KBTBD11: variants seen among roughly 807,000 people sequenced by gnomAD.
KBTBD11 encodes the protein kelch repeat and BTB domain containing 11.
For missense variants in KBTBD11, 1,390 were observed against 1,001.8 expected (o/e 1.39, Z -5.23); for synonymous variants, 747 against 499.0 (o/e 1.50, Z -6.63).
chr8:1,991,719 C>T (rs1005258162), intron 1 of KBTBD11, among the ~76,000 whole-genome samples: 1 of 152,020 alleles, frequency 6.6e-6, no homozygotes, highest in African/African-American at 2.4e-5. Flanking sequence ...CTGCACTGCC[C>T]TGAGGGAACC....
At position 2,001,271 on chromosome 8, in the gene KBTBD11, G is replaced by A. The variant is rs1377107775; in HGVS notation, c.79G>A (p.Ala27Thr). ...TGCCGGGGAGAGCGAGAGCGAGGGC[G>A]CCGCGTCCCCGGCGCAGACACCCTG... is the stretch of plus-strand genomic sequence containing the variant. ...GAAGESESEG[A>T]ASPAQTPCSL... The change falls in exon 2 of 2, where the codon GCC (alanine) becomes ACC (threonine). Residue 27 changes from alanine to threonine, a missense_variant. By Grantham distance (58) the Ala-to-Thr change is moderately conservative. Transcript: ENST00000320248. The A allele has an allele frequency of 1.3e-6, 2 of 1,517,336 alleles. No homozygotes were observed. Among genetic ancestry groups the A allele is most frequent in the Non-Finnish European group, 1.8e-6 (2 of 1,139,942 alleles). The allele number at this position is 1,517,336 out of a possible 1,614,324, so 94.0% of individuals were successfully genotyped here.
intron 1 of KBTBD11, among the ~76,000 whole-genome samples, chr8:1,988,800 C>G (rs1205286051): frequency 6.6e-6 from 1 of 151,930 alleles, no homozygotes; most frequent in Admixed American, 6.5e-5. Context: ...CGCTGTCTGG[C>G]ACATTGTAAA....
intron 1 of KBTBD11, chr8:1,974,389 G>T (rs955960467): frequency 2.0e-6 from 2 of 984,814 alleles, no homozygotes; most frequent in East Asian, 2.3e-4. Context: ...AGCAGAAGCC[G>T]AAGCCAAGCG....
chr8:1,993,439 A>G (rs978242014), intron 1 of KBTBD11, among the ~76,000 whole-genome samples: 2 of 148,560 alleles, frequency 1.3e-5, no homozygotes, highest in Admixed American at 6.7e-5. Flanking sequence ...CCACCCATCC[A>G]TCCATCTATC....
chr8:1,974,031 G>C lies in KBTBD11; in HGVS notation c.-909+96G>C, dbSNP rs1018880954. The C allele has an allele frequency of 1.3e-5, 12 of 956,434 alleles. No homozygotes were observed. In the Admixed American group the frequency reaches 5.1e-4, roughly 40 times the overall value. 59.2% of individuals were successfully genotyped at this position (956,434 alleles called of 1,614,324 possible). A position where few individuals can be genotyped will look rare whatever the true frequency, so the allele number is the denominator to read the frequency against. ...CGGAGGGGGCGGCGGGTGGGAGGTG[G>C]TCGGCGAGAGCGGCAGTAGGCGGGA... On this transcript the variant is annotated intron_variant, in intron 1 of 1. Transcript: ENST00000320248.
At chr8:1,983,144 G>A (rs1439437339) in intron 1 of KBTBD11, among the ~76,000 whole-genome samples, 1 of 152,180 alleles carries the variant, frequency 6.6e-6, no homozygotes, top group African/African-American at 2.4e-5. Flanking sequence ...TGAGTTGGAT[G>A]GACTCACTTC....
At chr8:1,996,215 G>A (rs1242147635) in intron 1 of KBTBD11, among the ~76,000 whole-genome samples, 5 of 152,196 alleles carry the variant, frequency 3.3e-5, no homozygotes, top group African/African-American at 7.2e-5. Context: ...TCCCAGGGAC[G>A]CTGTGGTCTA....
At chr8:1,999,692 A>G (rs1817270170) in intron 1 of KBTBD11, among the ~76,000 whole-genome samples, 1 of 152,154 alleles carries the variant, frequency 6.6e-6, no homozygotes, top group Admixed American at 6.5e-5. Flanking sequence ...CTAAGAGTTT[A>G]AAGAGATTTA....
chr8:1,989,213 A>G (rs760317150), intron 1 of KBTBD11, among the ~76,000 whole-genome samples: 2 of 152,182 alleles, frequency 1.3e-5, no homozygotes, highest in East Asian at 1.9e-4. Flanking sequence ...GATGCTTCCT[A>G]TTTCAACGTG....
intron 1 of KBTBD11, among the ~76,000 whole-genome samples, chr8:1,997,260 G>T (rs1817176620): frequency 6.6e-6 from 1 of 152,142 alleles, no homozygotes; most frequent in African/African-American, 2.4e-5. Flanking sequence ...AGGAATCCCT[G>T]TGGAAATCCC....
intron 1 of KBTBD11, among the ~76,000 whole-genome samples, chr8:1,980,245 TGAGATGG>T (rs1816495171): frequency 6.7e-6 from 1 of 148,924 alleles, no homozygotes. Flanking sequence ...TTTTTTTTTT[TGAGATGG>T]GGTCTTGCTC....
chr8:1,998,774 GCTCT>G (rs952503205), intron 1 of KBTBD11, among the ~76,000 whole-genome samples: 1 of 146,944 alleles, frequency 6.8e-6, no homozygotes, highest in Non-Finnish European at 1.5e-5. Flanking sequence ...TCTTAGATTT[GCTCT>G]CTCTCTCCTT....
At chr8:1,983,216 T>G (rs1398780666) in intron 1 of KBTBD11, among the ~76,000 whole-genome samples, 1 of 152,226 alleles carries the variant, frequency 6.6e-6, no homozygotes, top group Non-Finnish European at 1.5e-5. Context: ...TAGTCTGCTG[T>G]GTCCCCAGTG....
intron 1 of KBTBD11, among the ~76,000 whole-genome samples, chr8:1,993,769 G>A (rs1438778461): frequency 1.3e-5 from 2 of 151,820 alleles, no homozygotes; most frequent in African/African-American, 4.9e-5. Context: ...AACTAAAACC[G>A]GAAGTGAGGA....
Position 2,001,086 on chromosome 8 carries a change from C to A in KBTBD11, c.-107C>A. On this transcript the variant is annotated 5_prime_UTR_variant, in exon 2 of 2. Transcript: ENST00000320248. ...CACAGAAGTGAAATCTGATCGCGTG[C>A]CAGGAAAAGCTGTGAGGCTGGAAAC... The A allele has an allele frequency of 8.0e-7, 1 of 1,246,380 alleles. No homozygotes were observed. The highest frequency in any genetic ancestry group is 1.0e-6 in the Non-Finnish European group (1 of 990,720). The allele number at this position is 1,246,380 out of a possible 1,614,324, so 77.2% of individuals were successfully genotyped here. A position where few individuals can be genotyped will look rare whatever the true frequency, so the allele number is the denominator to read the frequency against.
Position 2,002,626 on chromosome 8 carries a change from C to T in KBTBD11, c.1434C>T (p.Asp478=), listed in dbSNP as rs1164462175. ...YRLLKYDPRR[D]EWQECPCSSS... is the part of the protein sequence containing the mutation. ...TGCTCAAGTATGACCCGCGGCGCGA[C>T]GAGTGGCAGGAGTGCCCGTGCAGCA... The change falls in exon 2 of 2, where the codon GAC becomes GAT. Residue 478 remains aspartate, a synonymous_variant. Transcript: ENST00000320248. This position sits in a 1 kb window ranked among gnomAD's most constrained non-coding sequence, Gnocchi z 4.1. The T allele has an allele frequency of 3.2e-6, 5 of 1,583,266 alleles. No individual in the cohort carries two copies. The highest frequency in any genetic ancestry group is 1.7e-4 in the Middle Eastern group (1 of 5,978).
chr8:1,985,573 T>C (rs1816683961), intron 1 of KBTBD11, among the ~76,000 whole-genome samples: 1 of 152,256 alleles, frequency 6.6e-6, no homozygotes, highest in Non-Finnish European at 1.5e-5. Context: ...TCCTAAATAA[T>C]AACCTTTGTG....
At chr8:1,987,852 A>T (rs181838951) in intron 1 of KBTBD11, among the ~76,000 whole-genome samples, 3 of 152,106 alleles carry the variant, frequency 2.0e-5, no homozygotes, top group Non-Finnish European at 4.4e-5. Flanking sequence ...CATTTACATT[A>T]GGTATTTCTC....
chr8:2,004,590 T>C lies in KBTBD11; in HGVS notation c.*1526T>C, dbSNP rs1817515046. On this transcript the variant is annotated 3_prime_UTR_variant, in exon 2 of 2. Coordinates refer to ENST00000320248, the MANE Select transcript of KBTBD11 (RefSeq NM_014867.3). The stretch of plus-strand genomic sequence containing the variant: ...GTGGTTATGAGAGGTCTCAGTTAAG[T>C]GTGTTTAGAAGTGATCAGCTTGAAC... The C allele has an allele frequency of 6.0e-6, 1 of 167,056 alleles. No homozygotes were observed. Among genetic ancestry groups the C allele is most frequent in the Non-Finnish European group, 1.5e-5 (1 of 68,116 alleles). The allele number at this position is 167,056 out of a possible 1,614,324, so 10.3% of individuals were successfully genotyped here. A position where few individuals can be genotyped will look rare whatever the true frequency, so the allele number is the denominator to read the frequency against.
Sources: allele counts gnomAD v4.1 joint callset (sites outside exome capture counted in the v4.1 genomes callset), GRCh38; gene constraint gnomAD v4.1.1; non-coding constraint Gnocchi (gnomAD v3.1); transcripts MANE v1.5; gene names NCBI Gene and HGNC (gene_info 2026-07-23, HGNC 2026-07-21).